GDAP1L1: variants seen among roughly 807,000 people sequenced by gnomAD.
GDAP1L1 encodes the protein ganglioside-induced differentiation-associated protein 1-like 1.
GDAP1L1 carries 21 observed loss-of-function variants against 37.1 expected under a neutral mutation model. The ratio of observed to expected loss-of-function variants is 0.57; its 90% confidence interval spans 0.40 to 0.81. The LOEUF is 0.81. Ranked by LOEUF, GDAP1L1 falls within the 40% of genes least tolerant of loss-of-function variation. The probability of loss-of-function intolerance (pLI) is 0.00; values close to 1 mark genes in which losing one functional copy is unlikely to be tolerated. For synonymous variants in GDAP1L1, 193 were observed against 209.1 expected (o/e 0.92, Z 0.67); for missense variants, 362 against 491.6 (o/e 0.74, Z 2.49).
chr20:44,263,423 T>A, intron 4 of GDAP1L1, 96 bp downstream of exon 4: 1 of 906,230 alleles, frequency 1.1e-6, no homozygotes, highest in Non-Finnish European at 1.8e-6. Context: ...GCTGATGATA[T>A]GAAATGGAAA....
At chr20:44,268,059 T>C (rs550350934) in intron 5 of GDAP1L1, among the ~76,000 whole-genome samples, 2 of 152,374 alleles carry the variant, frequency 1.3e-5, no homozygotes, top group East Asian at 3.9e-4. Flanking sequence ...CCTCGGTTGC[T>C]CATCCAGGTT....
intron 5 of GDAP1L1, among the ~76,000 whole-genome samples, chr20:44,271,749 T>C (rs2062518162): frequency 6.6e-6 from 1 of 151,516 alleles, no homozygotes; most frequent in South Asian, 2.1e-4. Flanking sequence ...GAATCGGGGG[T>C]TCAGGACAGC....
At chr20:44,278,153 CA>C (rs3037697) in intron 5 of GDAP1L1, among the ~76,000 whole-genome samples, 4,890 of 85,920 alleles carry the variant, frequency 0.057, 69 homozygotes, top group Non-Finnish European at 0.078. Context: ...GACTCCATCT[CA>C]AAAAAAAAAA....
At chr20:44,271,207 T>G (rs890286034) in intron 5 of GDAP1L1, among the ~76,000 whole-genome samples, 7 of 152,140 alleles carry the variant, frequency 4.6e-5, no homozygotes, top group African/African-American at 1.7e-4. Flanking sequence ...GAGGCTGCAG[T>G]GAGTCGTCTT....
intron 1 of GDAP1L1, among the ~76,000 whole-genome samples, chr20:44,249,690 C>A (rs1283052420): frequency 1.3e-5 from 2 of 152,240 alleles, no homozygotes; most frequent in Admixed American, 1.3e-4. Context: ...CCATCTGCTG[C>A]AGCCCCACTT....
At chr20:44,267,180 G>C (rs775474134) in intron 5 of GDAP1L1, among the ~76,000 whole-genome samples, 5 of 152,126 alleles carry the variant, frequency 3.3e-5, no homozygotes, top group African/African-American at 4.8e-5. Flanking sequence ...CCTGTTCTAG[G>C]TGTTTCACAG....
chr20:44,269,817 G>C (rs984724702), intron 5 of GDAP1L1, among the ~76,000 whole-genome samples: 10 of 152,274 alleles, frequency 6.6e-5, no homozygotes, highest in Admixed American at 3.9e-4. Flanking sequence ...TGTAATCCCA[G>C]CTATTTGGAA....
rs144346825 is a variant in GDAP1L1 at position 44,264,528 on chromosome 20, G to A, written c.729G>A (p.Ala243=). The A allele has an allele frequency of 1.4e-4, 231 of 1,605,664 alleles. No individual in the cohort carries two copies. The highest frequency in any genetic ancestry group is 1.7e-4 in the Non-Finnish European group (204 of 1,175,554). The change falls in exon 5 of 6, where the codon GCG becomes GCA. Residue 243 remains alanine, a synonymous_variant. Transcript: ENST00000342560. ...ELAMVLDQIE[A]ELEKRKLENE... is the part of the protein sequence containing the mutation. ...CCATGGTGCTGGACCAGATTGAGGC[G>A]GAGCTGGAGAAGAGGAAGCTGGAGA...
chr20:44,267,554 T>C (rs2062467353), intron 5 of GDAP1L1, among the ~76,000 whole-genome samples: 2 of 149,482 alleles, frequency 1.3e-5, no homozygotes, highest in Non-Finnish European at 3.0e-5. Context: ...GAGGTTGCAG[T>C]GAGCTGAGAT....
At chr20:44,248,331 T>C (rs2073373241) in intron 1 of GDAP1L1, among the ~76,000 whole-genome samples, 1 of 152,252 alleles carries the variant, frequency 6.6e-6, no homozygotes, top group South Asian at 2.1e-4. Flanking sequence ...TTGTCCCGTC[T>C]CTGGGCCACG....
At chr20:44,261,470 T>TTTCA (rs370005289) in intron 3 of GDAP1L1, among the ~76,000 whole-genome samples, 264 of 152,294 alleles carry the variant, frequency 1.7e-3, no homozygotes, top group African/African-American at 3.9e-3. Flanking sequence ...CACTCACTCA[T>TTTCA]TTCATTCATT....
chr20:44,263,508 C>A (rs981584569), intron 4 of GDAP1L1, among the ~76,000 whole-genome samples, 181 bp downstream of exon 4: 13 of 152,190 alleles, frequency 8.5e-5, no homozygotes, highest in African/African-American at 2.9e-4. Flanking sequence ...CCACTGCTGC[C>A]CTCGGGCCTC....
At chr20:44,247,284 G>C (rs1197409397), upstream of GDAP1L1, 1 of 1,589,732 alleles carries the variant, frequency 6.3e-7, no homozygotes, top group Non-Finnish European at 8.6e-7. Context: ...GGGCGAGAGA[G>C]AGCCGCCGCG....
intron 5 of GDAP1L1, among the ~76,000 whole-genome samples, chr20:44,277,980 C>G (rs1473226254): frequency 1.3e-5 from 2 of 151,858 alleles, no homozygotes; most frequent in African/African-American, 4.8e-5. Flanking sequence ...ATTGTGAAAC[C>G]CTGTTTCTAC....
chr20:44,255,541 CAAAAAAAAAAAAAAAA>C lies in GDAP1L1; in HGVS notation c.181-1597_181-1582del, dbSNP rs60318296. Among the ~76,000 whole-genome samples the C allele has an allele frequency of 3.3e-3, 149 of 45,822 alleles. 2 individuals carry two copies. Among genetic ancestry groups the C allele is most frequent in the Admixed American group, 0.019 (121 of 6,396 alleles). The allele number at this position is 45,822 out of a possible 152,430, so 30.1% of individuals were successfully genotyped here. A position where few individuals can be genotyped will look rare whatever the true frequency, so the allele number is the denominator to read the frequency against. On this transcript the variant is annotated intron_variant, in intron 1 of 5. Coordinates refer to ENST00000342560, the MANE Select transcript of GDAP1L1 (RefSeq NM_024034.6). The stretch of plus-strand genomic sequence containing the variant: ...TGAGCAACAGAGCGAGACTCTGTCT[CAAAAAAAAAAAAAAAA>C]AAAAAAAAAAAAAAGTAAAGCTACT...
In GDAP1L1 at chr20:44,278,942, T is replaced by C. The variant is rs774406378; in HGVS notation, c.761-15T>C. 1 of 1,586,512 alleles carries C rather than the reference T, an allele frequency of 6.3e-7. No homozygotes were observed. The highest frequency in any genetic ancestry group is 1.1e-5 in the South Asian group (1 of 89,564). On this transcript the variant is annotated splice_polypyrimidine_tract_variant and intron_variant, in intron 5 of 5. Transcript: ENST00000342560. ...GGGAGGCTGATCCCCTTGCCTCCTC[T>C]TTCTTCCACTCTAGGGCAGAAATGC...
At chr20:44,276,623 T>C (rs993284499) in intron 5 of GDAP1L1, among the ~76,000 whole-genome samples, 1 of 152,214 alleles carries the variant, frequency 6.6e-6, no homozygotes, top group African/African-American at 2.4e-5. Context: ...AGATAGTTTA[T>C]AGTGAATCAT....
chr20:44,250,835 A>T (rs898613941), intron 1 of GDAP1L1, among the ~76,000 whole-genome samples: 1 of 152,152 alleles, frequency 6.6e-6, no homozygotes, highest in Non-Finnish European at 1.5e-5. Flanking sequence ...GGGGCAAAAA[A>T]GCATAGAGTC....
intron 3 of GDAP1L1, among the ~76,000 whole-genome samples, chr20:44,261,672 G>A (rs1600543721): frequency 1.3e-5 from 2 of 152,328 alleles, no homozygotes; most frequent in South Asian, 4.1e-4. Context: ...GTGGACTCAA[G>A]CCCAGGAGGG....
Sources: allele counts gnomAD v4.1 joint callset (sites outside exome capture counted in the v4.1 genomes callset), GRCh38; gene constraint gnomAD v4.1.1; transcripts MANE v1.5; gene names NCBI Gene and HGNC (gene_info 2026-07-23, HGNC 2026-07-21).